CAPRIN1: variants seen among roughly 807,000 people sequenced by gnomAD.
The protein encoded by CAPRIN1 is cell cycle associated protein 1, also known as caprin-1.
Under a neutral mutation model 100.9 loss-of-function variants are expected in CAPRIN1, and 29 were observed. That is an observed-to-expected ratio of 0.29 (90% CI 0.21 to 0.39). The LOEUF is 0.39. Among genes scored for constraint, CAPRIN1 ranks in the 10% least tolerant of loss-of-function variants. The pLI is 1.00. For missense variants in CAPRIN1, 795 were observed against 876.7 expected, an observed-to-expected ratio of 0.91 and a Z score of 1.18; for synonymous variants, 338 against 307.5, an observed-to-expected ratio of 1.10 and a Z score of -1.04.
At chr11:34,096,412 A>G (rs1212823685) in intron 15 of CAPRIN1, 67 bp from the exon 16 acceptor site, 1 of 1,170,446 alleles carries the variant, frequency 8.5e-7, no homozygotes, top group African/African-American at 1.5e-5. Context: ...TTAAACTAGA[A>G]AGTGCGTGGG....
At position 34,071,614 on chromosome 11, in the gene CAPRIN1, T is replaced by C. The variant is rs1021087132; in HGVS notation, c.217-112T>C. The C allele has an allele frequency of 1.2e-5, 9 of 771,414 alleles. No homozygotes were observed. In the African/African-American group the frequency reaches 1.6e-4, roughly 14 times the overall value. The allele number at this position is 771,414 out of a possible 1,614,324, so 47.8% of individuals were successfully genotyped here. ...ACTGGAATATATCTTAAAAGTTTAT[T>C]TAAGTCAAAATTTGAGACAAACTTA... On this transcript the variant is annotated intron_variant, in intron 2 of 18. Coordinates refer to ENST00000341394, the MANE Select transcript of CAPRIN1 (RefSeq NM_005898.5).
Position 34,100,854 on chromosome 11 carries a change from C to T in CAPRIN1, c.*1487C>T, listed in dbSNP as rs1851444083. 1 of 152,634 alleles carries T rather than the reference C, an allele frequency of 6.6e-6. No homozygotes were observed. The highest frequency in any genetic ancestry group is 1.5e-5 in the Non-Finnish European group (1 of 68,028). 9.5% of individuals were successfully genotyped at this position (152,634 alleles called of 1,614,324 possible). A position where few individuals can be genotyped will look rare whatever the true frequency, so the allele number is the denominator to read the frequency against. ...AATGCTGCTTATTGTCTCATTCTGA[C>T]TTCATGGAGAATTAATCCCACCTTT... On this transcript the variant is annotated 3_prime_UTR_variant, in exon 19 of 19. Transcript: ENST00000341394.
chr11:34,052,087 G>A (rs930860628), intron 1 of CAPRIN1: 3 of 151,420 alleles, frequency 2.0e-5, no homozygotes, highest in African/African-American at 7.2e-5. Context: ...TCCCCGGTAG[G>A]GACCGTTGCA....
rs1369042569 is a variant in CAPRIN1 at position 34,101,151 on chromosome 11, G to A, written c.*1784G>A. On this transcript the variant is annotated 3_prime_UTR_variant, in exon 19 of 19. Transcript: ENST00000341394. ...TTAAAATAAAATAAAATAAGTTCTT[G>A]ACTTTTCTCATGTGTGGTTGTGGTA... 1 of 152,504 alleles carries A rather than the reference G, an allele frequency of 6.6e-6. No individual in the cohort carries two copies. The highest frequency in any genetic ancestry group is 2.4e-5 in the African/African-American group (1 of 41,434). 9.4% of individuals were successfully genotyped at this position (152,504 alleles called of 1,614,324 possible).
At chr11:34,063,317 G>C (rs1850620399) in intron 2 of CAPRIN1, 1 of 152,188 alleles carries the variant, frequency 6.6e-6, no homozygotes, top group South Asian at 2.1e-4. Context: ...AAGGGGGAGG[G>C]TTGTTAAGGC....
chr11:34,058,770 T>G (rs1850510719), intron 2 of CAPRIN1, among the ~76,000 whole-genome samples: 1 of 152,212 alleles, frequency 6.6e-6, no homozygotes, highest in Admixed American at 6.5e-5. Flanking sequence ...CTCTGAAGTT[T>G]TTCTTTATGT....
At chr11:34,061,450 C>T (rs80061771) in intron 2 of CAPRIN1, among the ~76,000 whole-genome samples, 9,197 of 151,896 alleles carry the variant, frequency 0.061, 415 homozygotes, top group Non-Finnish European at 0.095. Context: ...TCAGGAGATT[C>T]GTCCACTTTG....
chr11:34,052,367 T>C (rs1217026656), intron 1 of CAPRIN1, 54 bp from the exon 2 acceptor site: 9 of 1,438,032 alleles, frequency 6.3e-6, no homozygotes, highest in Non-Finnish European at 8.7e-6. Flanking sequence ...GTCTCCTGAC[T>C]GGCCGCTCTT....
chr11:34,079,905 G>GTTTTTTTTTTTTTTTTTTTTTTTT (rs377455073), intron 7 of CAPRIN1, 140 bp downstream of exon 7: 1 of 316,642 alleles, frequency 3.2e-6, no homozygotes, highest in African/African-American at 2.9e-5. Context: ...GCATGACAAA[G>GTTTTTTTTTTTTTTTTTTTTTTTT]TTTTTTTTTT....
At chr11:34,055,230 C>T (rs1288205043) in intron 2 of CAPRIN1, among the ~76,000 whole-genome samples, 1 of 152,028 alleles carries the variant, frequency 6.6e-6, no homozygotes, top group East Asian at 1.9e-4. Context: ...GTAGGATGAT[C>T]TTGGCTTCCT....
intron 11 of CAPRIN1, among the ~76,000 whole-genome samples, chr11:34,086,819 T>C (rs747539028): frequency 3.9e-5 from 6 of 152,234 alleles, no homozygotes; most frequent in African/African-American, 4.8e-5. Context: ...TTTGTCTGTT[T>C]TTGTAACTTT....
chr11:34,072,083 A>C, intron 4 of CAPRIN1, 96 bp downstream of exon 4: 1 of 727,292 alleles, frequency 1.4e-6, no homozygotes, highest in African/African-American at 1.8e-5. Flanking sequence ...CTGCAAGGTG[A>C]GACAGTTGTA....
chr11:34,052,098 G>C (rs7951543), intron 1 of CAPRIN1: 26,266 of 150,800 alleles, frequency 0.17, 2,437 homozygotes, highest in African/African-American at 0.2. Context: ...GACCGTTGCA[G>C]TGGCCGTTGG....
At chr11:34,055,284 C>T (rs1850426102) in intron 2 of CAPRIN1, among the ~76,000 whole-genome samples, 1 of 152,026 alleles carries the variant, frequency 6.6e-6, no homozygotes, top group East Asian at 1.9e-4. Context: ...CCGCTTCAGC[C>T]TCCTAAGTAG....
chr11:34,094,704 G>A (rs1037712552), intron 15 of CAPRIN1, among the ~76,000 whole-genome samples: 3 of 152,126 alleles, frequency 2.0e-5, no homozygotes, highest in Non-Finnish European at 2.9e-5. Flanking sequence ...GGCTAAGGCC[G>A]GAGGATCACT....
rs1851416845 is a variant in CAPRIN1, at chr11:34,099,179, C to T, written c.2066-124C>T. 4.7e-6 allele frequency: 7 copies of T among 1,497,972 alleles called. No homozygotes were observed. The African/African-American group carries it at 7.0e-5, about 15-fold the overall frequency. The allele number at this position is 1,497,972 out of a possible 1,614,324, so 92.8% of individuals were successfully genotyped here. On this transcript the variant is annotated intron_variant, in intron 18 of 18. Coordinates refer to ENST00000341394, the MANE Select transcript of CAPRIN1 (RefSeq NM_005898.5). ...GGAAACTTGAACACTGAAGAATTGA[C>T]CTCTTAAGCCTAATAATGTGGTGAC...
intron 2 of CAPRIN1, among the ~76,000 whole-genome samples, chr11:34,066,091 C>T (rs769018053): frequency 2.4e-4 from 37 of 152,184 alleles, no homozygotes; most frequent in South Asian, 4.2e-4. Flanking sequence ...CTCAGTGATC[C>T]TCCTACCTGC....
chr11:34,100,080 A>G lies in CAPRIN1; in HGVS notation c.*713A>G, dbSNP rs1851430654. 1 of 152,680 alleles carries G rather than the reference A, an allele frequency of 6.5e-6. No individual in the cohort carries two copies. Among genetic ancestry groups the G allele is most frequent in the Non-Finnish European group, 1.5e-5 (1 of 68,044 alleles). The allele number at this position is 152,680 out of a possible 1,614,324, so 9.5% of individuals were successfully genotyped here. ...TTGAAAAATATGCAACAAATATGGG[A>G]TGTAATCCGGATGGCCGCTTCTGTA... is the stretch of plus-strand genomic sequence containing the variant. On this transcript the variant is annotated 3_prime_UTR_variant, in exon 19 of 19. Coordinates refer to ENST00000341394, the MANE Select transcript of CAPRIN1 (RefSeq NM_005898.5).
Position 34,090,235 on chromosome 11 carries a change from G to A in CAPRIN1, c.1350G>A (p.Gln450=), listed in dbSNP as rs1297198360. 7 of 1,613,884 alleles carry A rather than the reference G, an allele frequency of 4.3e-6. No individual in the cohort carries two copies. The highest frequency in any genetic ancestry group is 1.7e-5 in the Admixed American group (1 of 59,982). The change falls in exon 13 of 19, where the codon CAG becomes CAA. Residue 450 remains glutamine, a synonymous_variant. Transcript: ENST00000341394. ...EGYTASQPLY[Q]PSHATEQRPQ... ...ACACAGCATCTCAACCCTTGTACCA[G>A]CCTTCTCATGCTACAGAGCAACGAC...
Sources: allele counts gnomAD v4.1 joint callset (sites outside exome capture counted in the v4.1 genomes callset), GRCh38; gene constraint gnomAD v4.1.1; transcripts MANE v1.5; gene names NCBI Gene and HGNC (gene_info 2026-07-23, HGNC 2026-07-21).